SHTN1: variants seen among roughly 807,000 people sequenced by gnomAD.
SHTN1 encodes the protein shootin-1.
A neutral mutation model predicts 83.1 loss-of-function variants in SHTN1; 42 were observed. The ratio of observed to expected loss-of-function variants is 0.51; its 90% CI spans 0.39 to 0.65. The LOEUF (loss-of-function observed/expected upper bound fraction) is 0.65, where lower values mean the gene tolerates loss of function less well. Among genes scored for constraint, SHTN1 ranks in the 30% least tolerant of loss-of-function variants. The pLI is 0.00. For missense variants in SHTN1, 622 were observed against 737.8 expected (o/e 0.84, Z 1.82); for synonymous variants, 224 against 247.7 (o/e 0.90, Z 0.90).
chr10:117,033,941 A>G (rs1308410746), intron 2 of SHTN1, among the ~76,000 whole-genome samples: 1 of 152,230 alleles, frequency 6.6e-6, no homozygotes, highest in Non-Finnish European at 1.5e-5. Context: ...GATCATTTCA[A>G]TTGATGCTGA....
At chr10:116,950,914 T>C (rs912176774) in intron 6 of SHTN1, among the ~76,000 whole-genome samples, 3 of 152,176 alleles carry the variant, frequency 2.0e-5, no homozygotes, top group African/African-American at 7.2e-5. Flanking sequence ...CTGAGGTAAC[T>C]GGATGAGGCT....
chr10:116,953,014 A>G (rs369669735), intron 5 of SHTN1, among the ~76,000 whole-genome samples: 1 of 152,244 alleles, frequency 6.6e-6, no homozygotes, highest in South Asian at 2.1e-4. Flanking sequence ...CTCCCTACCA[A>G]CATGAATTCT....
intron 16 of SHTN1, among the ~76,000 whole-genome samples, chr10:116,890,731 G>T (rs1160939033): frequency 6.6e-6 from 1 of 152,254 alleles, no homozygotes; most frequent in Non-Finnish European, 1.5e-5. Context: ...GAGCCCAAAC[G>T]TGGGGCCTGA....
chr10:116,990,373 G>C (rs1851385517), intron 1 of SHTN1, among the ~76,000 whole-genome samples: 1 of 145,776 alleles, frequency 6.9e-6, no homozygotes, highest in African/African-American at 2.5e-5. Context: ...TGTTTTGAGA[G>C]CTTGGCTTTT....
intron 2 of SHTN1, among the ~76,000 whole-genome samples, chr10:117,044,724 G>A (rs1852636074): frequency 1.3e-5 from 2 of 152,106 alleles, no homozygotes; most frequent in Admixed American, 6.6e-5. Flanking sequence ...TTGAAAAGCT[G>A]AGAATAGATG....
intron 1 of SHTN1, among the ~76,000 whole-genome samples, chr10:117,109,094 G>A (rs1309272798): frequency 6.6e-6 from 1 of 152,186 alleles, no homozygotes; most frequent in Admixed American, 6.5e-5. Context: ...ACTGCTCTAC[G>A]TTATAGCAAC....
intron 1 of SHTN1, among the ~76,000 whole-genome samples, chr10:117,083,407 T>TGTTAGTCTGATGGGCTTCCCTTTGA (rs1853302710): frequency 6.6e-6 from 1 of 150,510 alleles, no homozygotes; most frequent in Non-Finnish European, 1.5e-5. Context: ...AGAGATCCGC[T>TGTTAGTCTGATGGGCTTCCCTTTGA]GTTAGTCTGA....
chr10:116,886,226 C>A lies in SHTN1; in HGVS notation c.*118G>T. ...TTACAAAAGTGACACCAGAAAAGAA[C>A]CTGTATTCTGAATACAGTGACCAGA... On this transcript the variant is annotated 3_prime_UTR_variant, in exon 17 of 17. Transcript: ENST00000355371. The A allele has an allele frequency of 7.3e-7, 1 of 1,367,282 alleles. No homozygotes were observed. The highest frequency in any genetic ancestry group is 2.4e-5 in the Admixed American group (1 of 41,360). The allele number at this position is 1,367,282 out of a possible 1,614,324, so 84.7% of individuals were successfully genotyped here.
At chr10:116,981,136 C>T (rs1851003565) in intron 1 of SHTN1, among the ~76,000 whole-genome samples, 1 of 152,002 alleles carries the variant, frequency 6.6e-6, no homozygotes, top group Admixed American at 6.6e-5. Flanking sequence ...CTGGCCAACA[C>T]AGCAAAACCC....
intron 1 of SHTN1, among the ~76,000 whole-genome samples, chr10:117,093,785 T>C (rs1853468440): frequency 6.6e-6 from 1 of 152,186 alleles, no homozygotes; most frequent in Admixed American, 6.5e-5. Flanking sequence ...AGTGCTATTG[T>C]GCAGGTAAAG....
chr10:116,886,249 A>G lies in SHTN1; in HGVS notation c.*95T>C, dbSNP rs1339197760. On this transcript the variant is annotated 3_prime_UTR_variant, in exon 17 of 17. Transcript: ENST00000355371. ...AACCTGTATTCTGAATACAGTGACC[A>G]GAGCAGAATGTCTACAGCCCTTGCC... 11 of 1,497,494 alleles carry G rather than the reference A, an allele frequency of 7.3e-6. No individual in the cohort carries two copies. The East Asian group carries it at 2.2e-4, about 30-fold the overall frequency. The allele number at this position is 1,497,494 out of a possible 1,614,324, so 92.8% of individuals were successfully genotyped here.
At position 116,882,903 on chromosome 10, in the gene SHTN1, CTG is replaced by C. The variant is rs1324032816; in HGVS notation, c.*3439_*3440del. 6.6e-6 allele frequency: 1 copy of C among 151,752 alleles called. No individual in the cohort carries two copies. The highest frequency in any genetic ancestry group is 2.4e-5 in the African/African-American group (1 of 41,246). The allele number at this position is 151,752 out of a possible 1,614,324, so 9.4% of individuals were successfully genotyped here. On this transcript the variant is annotated 3_prime_UTR_variant, in exon 17 of 17. Coordinates refer to ENST00000355371, the MANE Select transcript of SHTN1 (RefSeq NM_001127211.3). ...AGCAACAAGCAACGGGTAGGAGAAACTGGAAGGAAAATTCATTTGAAAGGCAG... is the reference window on the plus strand; with the variant it reads ...AGCAACAAGCAACGGGTAGGAGAAACGAAGGAAAATTCATTTGAAAGGCAG...
chr10:116,995,183 A>C (rs996403032), intron 1 of SHTN1, among the ~76,000 whole-genome samples: 3 of 152,118 alleles, frequency 2.0e-5, no homozygotes, highest in African/African-American at 7.2e-5. Flanking sequence ...CTCTTTCTAA[A>C]AGCTTTTTGC....
chr10:116,981,626 T>C (rs1339003250), intron 1 of SHTN1, among the ~76,000 whole-genome samples: 1 of 152,252 alleles, frequency 6.6e-6, no homozygotes, highest in East Asian at 1.9e-4. Flanking sequence ...ATAAGTATTT[T>C]ATTAAAAGAC....
At chr10:117,015,808 A>C (rs1852173801) in intron 2 of SHTN1, among the ~76,000 whole-genome samples, 1 of 152,142 alleles carries the variant, frequency 6.6e-6, no homozygotes, top group Non-Finnish European at 1.5e-5. Flanking sequence ...TATTTCTTCT[A>C]ATTCTTCAGG....
At chr10:116,988,659 C>T (rs1213067488) in intron 1 of SHTN1, among the ~76,000 whole-genome samples, 1 of 152,004 alleles carries the variant, frequency 6.6e-6, no homozygotes, top group African/African-American at 2.4e-5. Context: ...AGCAATCCTT[C>T]TGCCTCAGTC....
intron 6 of SHTN1, among the ~76,000 whole-genome samples, chr10:116,951,585 AC>A: frequency 6.6e-6 from 1 of 152,198 alleles, no homozygotes; most frequent in African/African-American, 2.4e-5. Context: ...TTCTTTCTCT[AC>A]CAGCAGCAAT....
intron 2 of SHTN1, among the ~76,000 whole-genome samples, chr10:116,977,673 T>TGTGC (rs1189795917): frequency 6.6e-6 from 1 of 151,366 alleles, no homozygotes; most frequent in Non-Finnish European, 1.5e-5. Flanking sequence ...TGTGTGTGTG[T>TGTGC]GTGTGTGTGT....
intron 16 of SHTN1, among the ~76,000 whole-genome samples, chr10:116,896,801 CTTTT>C (rs1230730641): frequency 8.2e-6 from 1 of 121,712 alleles, no homozygotes; most frequent in Non-Finnish European, 1.7e-5. Flanking sequence ...TGATCAGGTA[CTTTT>C]TTTTTTTTTT....
Sources: allele counts gnomAD v4.1 joint callset (sites outside exome capture counted in the v4.1 genomes callset), GRCh38; gene constraint gnomAD v4.1.1; transcripts MANE v1.5; gene names NCBI Gene and HGNC (gene_info 2026-07-23, HGNC 2026-07-21).